Variants in TENM1 observed in about 807,000 individuals in gnomAD.
The protein encoded by TENM1 is teneurin-1.
TENM1 carries 35 observed loss-of-function variants against 174.8 expected under a neutral mutation model. The observed-to-expected ratio is 0.20, with a 90% CI of 0.15 to 0.27. TENM1 has a LOEUF of 0.27. TENM1 is among the 10% of genes least tolerant of loss of function. TENM1 has a pLI of 1.00. For synonymous variants in TENM1, 781 were observed against 798.7 expected, an observed-to-expected ratio of 0.98 and a Z score of 0.37; for missense variants, 1,633 against 2,130.1, an observed-to-expected ratio of 0.77 and a Z score of 4.59.
chrX:125,031,136 G>T, the TENM1 span, among the ~76,000 whole-genome samples: 2 of 109,672 alleles, frequency 1.8e-5, no homozygotes, highest in Non-Finnish European at 3.8e-5. Flanking sequence ...GTAGTCCCCA[G>T]TGTCCATTGT....
chrX:125,179,513 T>C, the TENM1 span, among the ~76,000 whole-genome samples: 1 of 111,822 alleles, frequency 8.9e-6, no homozygotes, highest in Non-Finnish European at 1.9e-5. Flanking sequence ...CATTTTCTTT[T>C]TCAACTCAGC....
chrX:124,429,856 T>C (rs899186998), intron 23 of TENM1, among the ~76,000 whole-genome samples: 8 of 111,903 alleles, frequency 7.1e-5, no homozygotes, highest in African/African-American at 2.6e-4. Context: ...TTGTGGCAAC[T>C]GAAAATACCT....
intron 11 of TENM1, among the ~76,000 whole-genome samples, chrX:124,641,007 G>A (rs866678892): frequency 3.1e-3 from 338 of 107,641 alleles, no homozygotes; most frequent in Middle Eastern, 0.019. Context: ...ATGTGATCAG[G>A]AAACATTTTA....
At chrX:124,658,253 G>A (rs2051498769) in intron 6 of TENM1, among the ~76,000 whole-genome samples, 1 of 111,380 alleles carries the variant, frequency 9.0e-6, no homozygotes, top group Admixed American at 9.6e-5. Flanking sequence ...AATTTTTCAG[G>A]GGTAGATTTT....
chrX:124,806,528 T>C (rs1324883909), intron 3 of TENM1, among the ~76,000 whole-genome samples: 1 of 111,239 alleles, frequency 9.0e-6, no homozygotes, highest in African/African-American at 3.3e-5. Context: ...TTGTCAAAAA[T>C]CAAAAACAGA....
At position 124,951,673 on chromosome X, in the gene TENM1, T is replaced by TATATATATATATATAA. The variant is rs767583231; in HGVS notation, c.217+11863_217+11864insTTATATATATATATAT. Among the ~76,000 whole-genome samples the TATATATATATATATAA allele has an allele frequency of 6.9e-3, 457 of 65,977 alleles. 4 individuals are homozygous for TATATATATATATATAA. Among genetic ancestry groups the TATATATATATATATAA allele is most frequent in the African/African-American group, 7.3e-3 (131 of 17,912 alleles). The allele number at this position is 65,977 out of a possible 115,157, so 57.3% of individuals were successfully genotyped here. ...ATATATATATATATATATATATATA[T>TATATATATATATATAA]AACAATCAATGTGACAAATAGGGAA... On this transcript the variant is annotated intron_variant, in intron 1 of 31. Transcript: ENST00000422452.
chrX:124,888,013 G>A (rs753341091), intron 3 of TENM1, among the ~76,000 whole-genome samples: 6 of 111,925 alleles, frequency 5.4e-5, no homozygotes, highest in African/African-American at 1.9e-4. Flanking sequence ...TCCATCAAAT[G>A]TACATGGTCA....
At chrX:124,733,763 G>A (rs761687458) in intron 4 of TENM1, among the ~76,000 whole-genome samples, 43 of 112,403 alleles carry the variant, frequency 3.8e-4, no homozygotes, top group African/African-American at 1.3e-3. Context: ...GTTCTTCTCT[G>A]CGTCTTAAGA....
chrX:125,054,803 A>G, the TENM1 span, among the ~76,000 whole-genome samples: 1 of 111,623 alleles, frequency 9.0e-6, no homozygotes, highest in Non-Finnish European at 1.9e-5. Flanking sequence ...GGCGAGGGTA[A>G]CATTTTTCTG....
chrX:124,425,310 T>A (rs2147760347), intron 23 of TENM1, among the ~76,000 whole-genome samples: 1 of 112,689 alleles, frequency 8.9e-6, no homozygotes, highest in Non-Finnish European at 1.9e-5. Flanking sequence ...ATTTACATTT[T>A]CCTTTCTCTG....
At chrX:124,958,581 T>A (rs1223739907) in intron 1 of TENM1, among the ~76,000 whole-genome samples, 1 of 111,559 alleles carries the variant, frequency 9.0e-6, no homozygotes, top group African/African-American at 3.3e-5. Flanking sequence ...CATTCAATAC[T>A]TATCACAACC....
chrX:125,078,341 G>A, the TENM1 span, among the ~76,000 whole-genome samples: 4 of 111,600 alleles, frequency 3.6e-5, no homozygotes, highest in East Asian at 8.5e-4. Flanking sequence ...AAAGAAGTGC[G>A]GCAATGCAGT....
At chrX:124,514,935 T>C (rs1353079801) in intron 18 of TENM1, among the ~76,000 whole-genome samples, 1 of 110,124 alleles carries the variant, frequency 9.1e-6, no homozygotes, top group Non-Finnish European at 1.9e-5. Context: ...TGAATATTGA[T>C]GCAAAAATCC....
At chrX:124,731,380 C>T (rs978714923) in intron 4 of TENM1, among the ~76,000 whole-genome samples, 1 of 111,264 alleles carries the variant, frequency 9.0e-6, no homozygotes, top group African/African-American at 3.3e-5. Context: ...CTAAAATAGG[C>T]AAAGCAGTCA....
At chrX:124,882,566 C>T (rs377170990) in intron 3 of TENM1, among the ~76,000 whole-genome samples, 1 of 111,702 alleles carries the variant, frequency 9.0e-6, no homozygotes, top group Non-Finnish European at 1.9e-5. Context: ...TTGGTATTGG[C>T]GGCATATATG....
intron 22 of TENM1, among the ~76,000 whole-genome samples, chrX:124,462,027 C>T (rs764351072): frequency 1.8e-5 from 2 of 111,105 alleles, no homozygotes; most frequent in African/African-American, 6.5e-5. Context: ...TTAATAAGGT[C>T]GTTTCATTTT....
intron 11 of TENM1, among the ~76,000 whole-genome samples, chrX:124,580,725 T>A (rs142065057): frequency 0.036 from 3,947 of 111,070 alleles, 78 homozygotes; most frequent in African/African-American, 0.064. Flanking sequence ...ATTAAAAAGT[T>A]TTTTTACCTT....
At chrX:125,085,608 T>C in the TENM1 span, among the ~76,000 whole-genome samples, 1 of 111,514 alleles carries the variant, frequency 9.0e-6, no homozygotes, top group Non-Finnish European at 1.9e-5. Flanking sequence ...TGTCCAAAAA[T>C]CTGCTTTTAA....
intron 23 of TENM1, among the ~76,000 whole-genome samples, chrX:124,436,630 A>T (rs1243094423): frequency 9.1e-6 from 1 of 109,767 alleles, no homozygotes; most frequent in African/African-American, 3.3e-5. Flanking sequence ...AGTAGCTGGG[A>T]CTACAGGCAC....
Sources: allele counts gnomAD v4.1 joint callset (sites outside exome capture counted in the v4.1 genomes callset), GRCh38; gene constraint gnomAD v4.1.1; transcripts MANE v1.5; gene names NCBI Gene and HGNC (gene_info 2026-07-23, HGNC 2026-07-21).